PREX2: variants seen among roughly 807,000 people sequenced by gnomAD.
PREX2 encodes phosphatidylinositol 3,4,5-trisphosphate-dependent Rac exchanger 2 protein.
In PREX2, 107 loss-of-function variants were observed where a neutral mutation model predicts 203.2. The ratio of observed to expected loss-of-function variants is 0.53; its 90% CI spans 0.45 to 0.62. The LOEUF is 0.62. Ranked by LOEUF, PREX2 falls within the 20% of genes least tolerant of loss-of-function variation. The pLI is 0.00. For missense variants in PREX2, 1,777 were observed against 1,955.9 expected, an observed-to-expected ratio of 0.91 and a Z score of 1.72; for synonymous variants, 672 against 663.6, an observed-to-expected ratio of 1.01 and a Z score of -0.19.
chr8:68,114,291 A>G, intron 25 of PREX2: 1 of 509,068 alleles, frequency 2.0e-6, no homozygotes, highest in South Asian at 1.4e-5. Flanking sequence ...ATTATGGAAT[A>G]TGCGTAAGAG....
At chr8:68,214,753 A>G (rs1209124175) in intron 37 of PREX2, among the ~76,000 whole-genome samples, 1 of 152,206 alleles carries the variant, frequency 6.6e-6, no homozygotes, top group Non-Finnish European at 1.5e-5. Context: ...TTTCTTTCGC[A>G]TGCTTAGTTT....
At chr8:68,095,493 G>A (rs562505057) in intron 21 of PREX2, among the ~76,000 whole-genome samples, 2 of 151,152 alleles carry the variant, frequency 1.3e-5, no homozygotes, top group African/African-American at 2.4e-5. Flanking sequence ...TTTCAGGAAC[G>A]GGGCCAAATA....
intron 1 of PREX2, among the ~76,000 whole-genome samples, chr8:68,008,543 T>C (rs766322250): frequency 8.5e-5 from 13 of 152,174 alleles, no homozygotes; most frequent in Non-Finnish European, 1.5e-4. Flanking sequence ...GAAGTCAGTT[T>C]TAAAGAAAAG....
intron 25 of PREX2, among the ~76,000 whole-genome samples, chr8:68,115,201 AT>A (rs1169227834): frequency 2.0e-5 from 3 of 151,130 alleles, no homozygotes; most frequent in Non-Finnish European, 1.5e-5. Context: ...CTAATTTTGT[AT>A]TTTTTAGTAG....
chr8:68,197,619 A>C (rs1195017963), intron 37 of PREX2, among the ~76,000 whole-genome samples: 1 of 151,624 alleles, frequency 6.6e-6, no homozygotes, highest in African/African-American at 2.4e-5. Context: ...GTCAAGTTTC[A>C]ATGTATGTAT....
chr8:68,184,721 G>A (rs1812155060), intron 35 of PREX2, among the ~76,000 whole-genome samples: 1 of 152,076 alleles, frequency 6.6e-6, no homozygotes, highest in Non-Finnish European at 1.5e-5. Flanking sequence ...TCTCTCTTAA[G>A]AATTGGATAT....
At chr8:67,954,315 A>C (rs1341410390) in intron 1 of PREX2, among the ~76,000 whole-genome samples, 1 of 152,192 alleles carries the variant, frequency 6.6e-6, no homozygotes, top group African/African-American at 2.4e-5. Flanking sequence ...TGCACTAATT[A>C]GTCTGAATGC....
intron 1 of PREX2, among the ~76,000 whole-genome samples, chr8:67,953,238 G>A (rs1030384371): frequency 7.2e-6 from 1 of 138,918 alleles, no homozygotes; most frequent in African/African-American, 2.7e-5. Flanking sequence ...TGTTTACATG[G>A]CCCATGAGAG....
chr8:68,010,846 C>A (rs879736945), intron 1 of PREX2, among the ~76,000 whole-genome samples: 2 of 152,120 alleles, frequency 1.3e-5, no homozygotes, highest in African/African-American at 4.8e-5. Context: ...TCCTAATCTT[C>A]GTTCTTTTTG....
chr8:68,120,483 C>T (rs1191220558), intron 29 of PREX2, among the ~76,000 whole-genome samples, 197 bp downstream of exon 29: 2 of 152,052 alleles, frequency 1.3e-5, no homozygotes, highest in Non-Finnish European at 2.9e-5. Flanking sequence ...ATGTCTGTTT[C>T]TTTGAAAGTT....
intron 8 of PREX2, among the ~76,000 whole-genome samples, chr8:68,052,532 A>G (rs1808553448): frequency 1.3e-5 from 2 of 152,198 alleles, no homozygotes; most frequent in African/African-American, 4.8e-5. Flanking sequence ...TAAAGAGTGT[A>G]TGTCTTGACA....
At chr8:68,009,065 T>G (rs1002546545) in intron 1 of PREX2, among the ~76,000 whole-genome samples, 1 of 152,124 alleles carries the variant, frequency 6.6e-6, no homozygotes. Flanking sequence ...GATTGCACAG[T>G]GAGTTAGATC....
chr8:67,970,068 G>A (rs112125511), intron 1 of PREX2, among the ~76,000 whole-genome samples: 7 of 152,184 alleles, frequency 4.6e-5, no homozygotes, highest in African/African-American at 1.2e-4. Flanking sequence ...TAGAGATTCC[G>A]TAAGTATGGG....
chr8:68,085,926 TCAGCAGAAGTGAACTCTCA>T, intron 18 of PREX2, among the ~76,000 whole-genome samples: 1 of 152,314 alleles, frequency 6.6e-6, no homozygotes, highest in Non-Finnish European at 1.5e-5. Flanking sequence ...CTATGTTGTT[TCAGCAGAAGTGAACTCTCA>T]TTCGTAATAT....
chr8:68,098,200 T>C (rs1048324791), intron 22 of PREX2, among the ~76,000 whole-genome samples: 3 of 152,230 alleles, frequency 2.0e-5, no homozygotes, highest in East Asian at 3.9e-4. Context: ...TACTGCTCTA[T>C]ATTCTATGAG....
At chr8:68,221,748 A>G (rs1471061989) in intron 38 of PREX2, among the ~76,000 whole-genome samples, 1 of 152,226 alleles carries the variant, frequency 6.6e-6, no homozygotes, top group African/African-American at 2.4e-5. Flanking sequence ...CATGACAGGC[A>G]TCAGTTTTAT....
In PREX2 at chr8:68,087,716, T is replaced by G. The variant is rs754423644; in HGVS notation, c.2028-8T>G. 1 of 1,605,528 alleles carries G rather than the reference T, an allele frequency of 6.2e-7. No homozygotes were observed. Among genetic ancestry groups the G allele is most frequent in the East Asian group, 2.2e-5 (1 of 44,834 alleles). ...GCTTCATCTTACCTTATTTTCTGAT[T>G]GATTTAGGACAGTGAAAATTCCAGA... On this transcript the variant is annotated splice_polypyrimidine_tract_variant and splice_region_variant and intron_variant, in intron 18 of 39. Coordinates refer to ENST00000288368, the MANE Select transcript of PREX2 (RefSeq NM_024870.4).
chr8:68,200,162 T>C (rs564809991), intron 37 of PREX2, among the ~76,000 whole-genome samples: 4 of 152,224 alleles, frequency 2.6e-5, no homozygotes, highest in South Asian at 4.2e-4. Context: ...AGAAGAAATA[T>C]TTTTTCTAGC....
chr8:68,118,723 A>T, intron 27 of PREX2, 79 bp downstream of exon 27: 1 of 1,012,060 alleles, frequency 9.9e-7, no homozygotes, highest in Non-Finnish European at 1.6e-6. Flanking sequence ...AATTTCGTAG[A>T]TCCATATGAA....
Sources: gnomAD v4.1 joint callset for allele counts (sites outside exome capture counted in the v4.1 genomes callset) on GRCh38, gnomAD v4.1.1 for gene constraint, MANE v1.5 for transcripts, NCBI Gene and HGNC (gene_info 2026-07-23, HGNC 2026-07-21) for gene names.